Variants in ATRNL1 observed in about 807,000 individuals in gnomAD.
The protein encoded by ATRNL1 is attractin-like protein 1.
In ATRNL1, 95 loss-of-function variants were observed where a neutral mutation model predicts 182.7. That is an observed-to-expected ratio of 0.52 (90% CI 0.44 to 0.62). ATRNL1 has a LOEUF of 0.62. ATRNL1 is among the 20% of genes least tolerant of loss of function. ATRNL1 has a pLI of 0.00. For missense variants in ATRNL1, 1,471 were observed against 1,679.5 expected (o/e 0.88, Z 2.17); for synonymous variants, 576 against 568.3 (o/e 1.01, Z -0.19).
chr10:115,338,033 C>G (rs1181715220), intron 19 of ATRNL1, among the ~76,000 whole-genome samples: 2 of 151,762 alleles, frequency 1.3e-5, no homozygotes, highest in Non-Finnish European at 2.9e-5. Flanking sequence ...GGAGGCAGAG[C>G]TCTGGCCTGA....
chr10:115,700,687 A>G (rs1946706564), intron 26 of ATRNL1, among the ~76,000 whole-genome samples: 2 of 152,102 alleles, frequency 1.3e-5, no homozygotes, highest in African/African-American at 2.4e-5. Context: ...CTTTAAACCA[A>G]TAACAGTAAA....
intron 25 of ATRNL1, among the ~76,000 whole-genome samples, chr10:115,548,013 A>G (rs1373453420): frequency 2.6e-5 from 4 of 152,162 alleles, no homozygotes; most frequent in Non-Finnish European, 5.9e-5. Context: ...TGATTATGGG[A>G]TGGATAGTGG....
chr10:115,301,836 ATTTG>A lies in ATRNL1; in HGVS notation c.2630-15_2630-12del. Reference sequence around the variant, plus strand: ...ATGAAGTTAAAAATGAAATTATTGTATTTGTTTATTTATTCCAGTTAGTCCAAAT... The same window carrying A: ...ATGAAGTTAAAAATGAAATTATTGTATTTATTTATTCCAGTTAGTCCAAAT... On this transcript the variant is annotated splice_polypyrimidine_tract_variant and intron_variant, in intron 16 of 28. Coordinates refer to ENST00000355044, the MANE Select transcript of ATRNL1 (RefSeq NM_207303.4). 3 of 1,565,632 alleles carry A rather than the reference ATTTG, an allele frequency of 1.9e-6. No homozygotes were observed. The highest frequency in any genetic ancestry group is 2.6e-6 in the Non-Finnish European group (3 of 1,154,568).
chr10:115,822,662 A>G lies in ATRNL1; in HGVS notation c.3904-25215A>G, dbSNP rs1297534989. Among the ~76,000 whole-genome samples, 7 of 152,324 alleles carry G rather than the reference A, an allele frequency of 4.6e-5. No individual in the cohort carries two copies. In the East Asian group the frequency reaches 1.3e-3, roughly 29 times the overall value. On this transcript the variant is annotated intron_variant, in intron 27 of 28. Coordinates refer to ENST00000355044, the MANE Select transcript of ATRNL1 (RefSeq NM_207303.4). The stretch of plus-strand genomic sequence containing the variant: ...AGAATACTATAAACACCTCTATGCA[A>G]ATAAACTAGAAAATCTAGAAGAAAT...
intron 27 of ATRNL1, among the ~76,000 whole-genome samples, chr10:115,795,038 T>C (rs559721440): frequency 6.6e-6 from 1 of 152,068 alleles, no homozygotes; most frequent in East Asian, 1.9e-4. Context: ...TTTCTTTACT[T>C]TCTGGCACAA....
At chr10:115,474,706 T>C (rs1192151799) in intron 24 of ATRNL1, among the ~76,000 whole-genome samples, 2 of 151,474 alleles carry the variant, frequency 1.3e-5, no homozygotes, top group African/African-American at 4.8e-5. Context: ...TCAAGTGTTA[T>C]ATAAACACAA....
In ATRNL1 at chr10:115,376,533, A is replaced by G. The variant is rs1857681187; in HGVS notation, c.3176-18126A>G. 2.6e-5 allele frequency among the ~76,000 whole-genome samples: 4 copies of G among 151,944 alleles called. No homozygotes were observed. The South Asian group carries it at 8.3e-4, about 31-fold the overall frequency. ...GCTACCACATCCAGTTAATTTTTTT[A>G]GTTTTTGAAGATATGGGGTCTCGCT... On this transcript the variant is annotated intron_variant, in intron 19 of 28. Coordinates refer to ENST00000355044, the MANE Select transcript of ATRNL1 (RefSeq NM_207303.4).
At chr10:115,305,891 C>A (rs543735999) in intron 17 of ATRNL1, among the ~76,000 whole-genome samples, 1 of 152,114 alleles carries the variant, frequency 6.6e-6, no homozygotes, top group Non-Finnish European at 1.5e-5. Context: ...CACTTCTAGG[C>A]TTTGTGCAGG....
chr10:115,256,673 C>G (rs189582182), intron 10 of ATRNL1, among the ~76,000 whole-genome samples: 1 of 151,680 alleles, frequency 6.6e-6, no homozygotes, highest in South Asian at 2.1e-4. Flanking sequence ...TCTTGCCTTC[C>G]GCTAGCTTTT....
At chr10:115,872,351 C>G (rs1951604175) in intron 28 of ATRNL1, among the ~76,000 whole-genome samples, 2 of 152,156 alleles carry the variant, frequency 1.3e-5, no homozygotes, top group African/African-American at 4.8e-5. Flanking sequence ...GCTTAAAAGT[C>G]TTATTCAGAA....
intron 18 of ATRNL1, among the ~76,000 whole-genome samples, chr10:115,324,012 C>T (rs549407588): frequency 5.7e-5 from 8 of 141,488 alleles, no homozygotes; most frequent in South Asian, 4.6e-4. Flanking sequence ...CTCCTGACCT[C>T]GTGATCTGCC....
chr10:115,503,873 T>C (rs1042764280), intron 24 of ATRNL1, among the ~76,000 whole-genome samples: 2 of 151,814 alleles, frequency 1.3e-5, no homozygotes, highest in African/African-American at 4.8e-5. Flanking sequence ...TAAGCTTTTT[T>C]ACCAAAAAAC....
chr10:115,365,436 G>T (rs201244831), intron 19 of ATRNL1, among the ~76,000 whole-genome samples: 10 of 151,496 alleles, frequency 6.6e-5, no homozygotes, highest in East Asian at 1.9e-4. Context: ...TCTTGCTAGC[G>T]GTCTATGAAT....
chr10:115,564,105 C>T (rs1853928587), intron 26 of ATRNL1, among the ~76,000 whole-genome samples: 1 of 151,702 alleles, frequency 6.6e-6, no homozygotes, highest in South Asian at 2.1e-4. Context: ...ATTTTGATGC[C>T]AGCATAATTA....
intron 7 of ATRNL1, among the ~76,000 whole-genome samples, chr10:115,167,376 T>C (rs1592201135): frequency 6.6e-6 from 1 of 152,232 alleles, no homozygotes; most frequent in East Asian, 1.9e-4. Flanking sequence ...TTGTTTTGGC[T>C]ATTCAGGGTC....
chr10:115,117,436 A>G (rs1844540845), intron 1 of ATRNL1, among the ~76,000 whole-genome samples: 1 of 152,076 alleles, frequency 6.6e-6, no homozygotes, highest in Non-Finnish European at 1.5e-5. Flanking sequence ...AGATCCCACA[A>G]ATCAGTGAGA....
At chr10:115,473,129 A>G (rs1270927998) in intron 24 of ATRNL1, among the ~76,000 whole-genome samples, 1 of 151,226 alleles carries the variant, frequency 6.6e-6, no homozygotes, top group Non-Finnish European at 1.5e-5. Context: ...CATTCTGTTA[A>G]TGTGGTATAT....
chr10:115,307,946 ACG>A (rs782357581), intron 17 of ATRNL1, among the ~76,000 whole-genome samples: 9 of 148,206 alleles, frequency 6.1e-5, no homozygotes, highest in Admixed American at 3.4e-4. Flanking sequence ...TTTCTACTAC[ACG>A]TCTATTCATT....
intron 27 of ATRNL1, among the ~76,000 whole-genome samples, chr10:115,845,354 T>G (rs2134349223): frequency 6.6e-6 from 1 of 152,172 alleles, no homozygotes; most frequent in Admixed American, 6.6e-5. Flanking sequence ...TTTATAGAAG[T>G]AGCTTTTATG....
Sources: gnomAD v4.1 joint callset for allele counts (sites outside exome capture counted in the v4.1 genomes callset) on GRCh38, gnomAD v4.1.1 for gene constraint, MANE v1.5 for transcripts, NCBI Gene and HGNC (gene_info 2026-07-23, HGNC 2026-07-21) for gene names.